The following GPC6 variants were observed in gnomAD, a reference collection of about 807,000 sequenced individuals.
GPC6 encodes the protein glypican-6.
In GPC6, 14 loss-of-function variants were observed where a neutral mutation model predicts 55.2. That is an observed-to-expected ratio of 0.25 (90% confidence interval 0.17 to 0.40). The LOEUF (loss-of-function observed/expected upper bound fraction) is 0.40. Ranked by LOEUF, GPC6 falls within the 10% of genes least tolerant of loss-of-function variation. The pLI is 1.00. For synonymous variants in GPC6, 278 were observed against 259.6 expected (o/e 1.07, Z -0.68); for missense variants, 641 against 708.5 (o/e 0.90, Z 1.08).
chr13:94,192,648 C>G (rs886645725), intron 4 of GPC6, among the ~76,000 whole-genome samples: 3 of 152,156 alleles, frequency 2.0e-5, no homozygotes, highest in Non-Finnish European at 2.9e-5. Context: ...TGTATGTACA[C>G]TTGTATGCAG....
intron 3 of GPC6, among the ~76,000 whole-genome samples, chr13:93,918,105 A>G (rs1232243531): frequency 6.6e-6 from 1 of 152,106 alleles, no homozygotes; most frequent in African/African-American, 2.4e-5. Flanking sequence ...AAAAAAAAAA[A>G]AAAATCACAT....
chr13:93,262,137 C>T (rs537793174), intron 1 of GPC6, among the ~76,000 whole-genome samples: 1 of 152,084 alleles, frequency 6.6e-6, no homozygotes, highest in Non-Finnish European at 1.5e-5. Context: ...TAGTCCTTCC[C>T]ACTCTCCTTG....
chr13:93,579,862 C>T (rs1031685835), intron 2 of GPC6, among the ~76,000 whole-genome samples: 2 of 152,128 alleles, frequency 1.3e-5, no homozygotes, highest in Non-Finnish European at 2.9e-5. Flanking sequence ...GTGTGGCTCC[C>T]TCCTTACATG....
intron 4 of GPC6, among the ~76,000 whole-genome samples, chr13:94,114,960 A>G (rs985179736): frequency 2.0e-5 from 3 of 152,186 alleles, no homozygotes; most frequent in Non-Finnish European, 4.4e-5. Context: ...GCCACCGGCC[A>G]TGAGAATCAG....
chr13:93,334,418 A>G (rs1566304415), intron 1 of GPC6, among the ~76,000 whole-genome samples: 1 of 152,192 alleles, frequency 6.6e-6, no homozygotes, highest in Non-Finnish European at 1.5e-5. Flanking sequence ...TTGAATCTAT[A>G]TAATAATTTG....
intron 4 of GPC6, among the ~76,000 whole-genome samples, chr13:94,060,569 A>G (rs1214443699): frequency 1.3e-5 from 2 of 152,224 alleles, no homozygotes; most frequent in Admixed American, 6.5e-5. Context: ...AAAGGATGAT[A>G]AAGTATGTAC....
intron 6 of GPC6, among the ~76,000 whole-genome samples, chr13:94,354,359 A>AT (rs1878693949): frequency 4.6e-5 from 7 of 151,170 alleles, no homozygotes; most frequent in Admixed American, 3.3e-4. Context: ...AAAAAAAAAA[A>AT]CAAGATACCA....
intron 6 of GPC6, among the ~76,000 whole-genome samples, chr13:94,357,014 C>A (rs1470038107): frequency 6.6e-6 from 1 of 152,194 alleles, no homozygotes; most frequent in African/African-American, 2.4e-5. Flanking sequence ...ACTCGTCTGT[C>A]CCCTGTCATC....
At chr13:93,703,713 G>T (rs1236886697) in intron 2 of GPC6, among the ~76,000 whole-genome samples, 1 of 151,786 alleles carries the variant, frequency 6.6e-6, no homozygotes, top group Non-Finnish European at 1.5e-5. Context: ...AAATGCTATA[G>T]CACTTTTAGA....
chr13:93,795,503 A>T (rs1182651543), intron 2 of GPC6, among the ~76,000 whole-genome samples: 2 of 152,204 alleles, frequency 1.3e-5, no homozygotes, highest in Admixed American at 6.5e-5. Flanking sequence ...TATATGTAGA[A>T]ACTCATCTTC....
intron 6 of GPC6, among the ~76,000 whole-genome samples, chr13:94,368,042 G>A (rs1036512053): frequency 6.6e-6 from 1 of 151,526 alleles, no homozygotes; most frequent in African/African-American, 2.4e-5. Context: ...CCAGCTACTC[G>A]GGAAGCTGAA....
chr13:93,910,748 T>C (rs955515907), intron 3 of GPC6, among the ~76,000 whole-genome samples: 3 of 152,180 alleles, frequency 2.0e-5, no homozygotes. Flanking sequence ...CCCCCAACCC[T>C]TAATCCAGTC....
At chr13:93,385,344 C>G (rs1033898133) in intron 1 of GPC6, among the ~76,000 whole-genome samples, 1 of 152,224 alleles carries the variant, frequency 6.6e-6, no homozygotes, top group Non-Finnish European at 1.5e-5. Context: ...TTTCATAAGC[C>G]GGGGCAAGTG....
intron 4 of GPC6, among the ~76,000 whole-genome samples, chr13:94,271,673 A>G (rs2139064611): frequency 6.6e-6 from 1 of 152,248 alleles, no homozygotes; most frequent in Middle Eastern, 3.4e-3. Context: ...GAACAGTACC[A>G]AGCCCATTGA....
chr13:93,899,603 C>G (rs1405272421), intron 3 of GPC6, among the ~76,000 whole-genome samples: 1 of 152,044 alleles, frequency 6.6e-6, no homozygotes, highest in Non-Finnish European at 1.5e-5. Context: ...TATACATACA[C>G]AGGAACTGGA....
chr13:93,724,188 A>G (rs986460366), intron 2 of GPC6, among the ~76,000 whole-genome samples: 10 of 151,926 alleles, frequency 6.6e-5, no homozygotes, highest in Admixed American at 6.6e-4. Context: ...AAATTTTCCC[A>G]TGTAGGGACA....
At chr13:93,818,465 C>T (rs1183218705) in intron 2 of GPC6, 2 of 152,060 alleles carry the variant, frequency 1.3e-5, no homozygotes, top group Non-Finnish European at 2.9e-5. Context: ...TAAATGCACC[C>T]TAGGTGGGCC....
chr13:93,842,810 A>C, intron 3 of GPC6, among the ~76,000 whole-genome samples: 1 of 152,170 alleles, frequency 6.6e-6, no homozygotes, highest in East Asian at 1.9e-4. Context: ...TGGTAAGAAA[A>C]ATAATTTTAA....
intron 2 of GPC6, among the ~76,000 whole-genome samples, chr13:93,610,222 G>T (rs930946963): frequency 6.6e-6 from 1 of 152,198 alleles, no homozygotes; most frequent in African/African-American, 2.4e-5. Context: ...ACTAGATGGA[G>T]GGGAGGACAG....
Sources: gnomAD v4.1 joint callset for allele counts (sites outside exome capture counted in the v4.1 genomes callset) on GRCh38, gnomAD v4.1.1 for gene constraint, MANE v1.5 for transcripts, NCBI Gene and HGNC (gene_info 2026-07-23, HGNC 2026-07-21) for gene names.